Variants in ZNF670 observed in about 807,000 individuals in gnomAD.
The protein encoded by ZNF670 is zinc finger protein 670.
ZNF670 carries 7 observed loss-of-function variants against 10.9 expected under a neutral mutation model. The ratio of observed to expected loss-of-function variants is 0.64; its 90% CI spans 0.36 to 1.20. The LOEUF (loss-of-function observed/expected upper bound fraction) is 1.20, where lower values mean the gene tolerates loss of function less well. Ranked by LOEUF, ZNF670 falls within the 50% of genes most tolerant of loss-of-function variation. The pLI, the probability that ZNF670 is intolerant of heterozygous loss-of-function variation, is 0.02. For synonymous variants in ZNF670, 136 were observed against 152.7 expected, an observed-to-expected ratio of 0.89 and a Z score of 0.81; for missense variants, 446 against 458.6, an observed-to-expected ratio of 0.97 and a Z score of 0.25.
intron 1 of ZNF670, among the ~76,000 whole-genome samples, chr1:247,047,822 T>C (rs935104785): frequency 1.3e-5 from 2 of 152,170 alleles, no homozygotes; most frequent in Non-Finnish European, 2.9e-5. Context: ...TGGTCTCTTT[T>C]AGCCACAGCT....
chr1:247,061,390 C>G (rs1670856485), intron 1 of ZNF670, among the ~76,000 whole-genome samples: 1 of 151,932 alleles, frequency 6.6e-6, no homozygotes, highest in African/African-American at 2.4e-5. Context: ...ACCATCTTGG[C>G]CAGGCTAGTC....
chr1:247,075,637 GCTCT>G (rs140900586), intron 1 of ZNF670, among the ~76,000 whole-genome samples: 4,232 of 150,874 alleles, frequency 0.028, 199 homozygotes, highest in African/African-American at 0.093. Context: ...CCCTGCACAA[GCTCT>G]CTCTCTCTCT....
intron 1 of ZNF670, among the ~76,000 whole-genome samples, chr1:247,050,907 G>T (rs995962109): frequency 3.7e-4 from 56 of 151,720 alleles, no homozygotes; most frequent in Middle Eastern, 3.4e-3. Context: ...GAATACCTTG[G>T]TTTTTTTTCT....
At chr1:247,076,065 T>A (rs1238719590) in intron 1 of ZNF670, among the ~76,000 whole-genome samples, 1 of 152,040 alleles carries the variant, frequency 6.6e-6, no homozygotes, top group East Asian at 1.9e-4. Context: ...GAAACTGAAC[T>A]AAGTGAATAA....
chr1:247,045,957 G>A (rs1670435910), intron 1 of ZNF670, among the ~76,000 whole-genome samples: 1 of 152,172 alleles, frequency 6.6e-6, no homozygotes, highest in Non-Finnish European at 1.5e-5. Flanking sequence ...CAAAGACTTG[G>A]CTGCATTGTG....
chr1:247,049,872 T>C (rs1438401248), intron 1 of ZNF670, among the ~76,000 whole-genome samples: 2 of 152,256 alleles, frequency 1.3e-5, no homozygotes, highest in African/African-American at 4.8e-5. Context: ...TTATACTCCA[T>C]TGTGGTCTAA....
chr1:247,054,823 AT>A (rs1420188351), intron 1 of ZNF670, among the ~76,000 whole-genome samples: 1 of 152,200 alleles, frequency 6.6e-6, no homozygotes, highest in Non-Finnish European at 1.5e-5. Flanking sequence ...AATAATAATA[AT>A]AATAATGAGT....
chr1:247,077,237 G>A (rs1398320996), intron 1 of ZNF670, among the ~76,000 whole-genome samples: 1 of 152,130 alleles, frequency 6.6e-6, no homozygotes, highest in Admixed American at 6.5e-5. Context: ...ACTAGGAGAC[G>A]TCTCTCAACT....
At chr1:247,048,105 G>A (rs1219433076) in intron 1 of ZNF670, among the ~76,000 whole-genome samples, 1 of 152,054 alleles carries the variant, frequency 6.6e-6, no homozygotes, top group Admixed American at 6.5e-5. Flanking sequence ...TTTTCCAAAC[G>A]TTTATGCTCT....
intron 1 of ZNF670, among the ~76,000 whole-genome samples, chr1:247,073,752 G>A (rs1029963617): frequency 6.6e-6 from 1 of 152,196 alleles, no homozygotes; most frequent in African/African-American, 2.4e-5. Context: ...TCACAGATCA[G>A]TTCCACAACA....
Position 247,035,171 on chromosome 1 carries a change from T to C in ZNF670, c.*2278A>G, listed in dbSNP as rs1238849966. Reference sequence around the variant, plus strand: ...AAAAGATATCATCAGTCATGGTTGGTTCATTCTGTTGGTAATGCCAATTGT... The same window carrying C: ...AAAAGATATCATCAGTCATGGTTGGCTCATTCTGTTGGTAATGCCAATTGT... On this transcript the variant is annotated 3_prime_UTR_variant, in exon 4 of 4. Coordinates refer to ENST00000366503, the MANE Select transcript of ZNF670 (RefSeq NM_033213.5). 1.3e-5 allele frequency among the ~76,000 whole-genome samples: 2 copies of C among 152,242 alleles called. No homozygotes were observed. Among genetic ancestry groups the C allele is most frequent in the Non-Finnish European group, 2.9e-5 (2 of 68,042 alleles).
At position 247,039,516 on chromosome 1, in the gene ZNF670, C is replaced by G; in HGVS notation, c.25G>C (p.Val9Leu). The change falls in exon 2 of 4, where the codon GTG (valine) becomes CTG (leucine). Residue 9 changes from valine (V) to leucine (L), a missense_variant. By Grantham distance (32) the Val-to-Leu change is conservative. Transcript: ENST00000366503. MDSVSFED[V>L]AVAFTQEEWA... ...TCCTCCTGAGTAAAGGCCACAGCCACATCTTCAAATGACACTGAATCCTAG... is the reference window on the plus strand; with the variant it reads ...TCCTCCTGAGTAAAGGCCACAGCCAGATCTTCAAATGACACTGAATCCTAG... The G allele has an allele frequency of 6.3e-7, 1 of 1,596,652 alleles. No homozygotes were observed.
At chr1:247,063,447 G>A (rs984965651) in intron 1 of ZNF670, among the ~76,000 whole-genome samples, 7 of 151,986 alleles carry the variant, frequency 4.6e-5, no homozygotes, top group Admixed American at 2.6e-4. Flanking sequence ...GCCAGGTGTG[G>A]TGGTGGGCGC....
intron 1 of ZNF670, among the ~76,000 whole-genome samples, chr1:247,064,776 A>G (rs1012828970): frequency 6.6e-6 from 1 of 152,010 alleles, no homozygotes; most frequent in Non-Finnish European, 1.5e-5. Context: ...CTCTCAGTCT[A>G]TGCACTTTCT....
At chr1:247,072,309 C>T (rs560029567) in intron 1 of ZNF670, among the ~76,000 whole-genome samples, 21 of 150,046 alleles carry the variant, frequency 1.4e-4, no homozygotes, top group South Asian at 6.5e-4. Flanking sequence ...CACTGCCATG[C>T]CTGGTTTTGT....
chr1:247,069,721 C>T (rs1671072487), intron 1 of ZNF670, among the ~76,000 whole-genome samples: 1 of 152,082 alleles, frequency 6.6e-6, no homozygotes, highest in Non-Finnish European at 1.5e-5. Flanking sequence ...AGTCATTAAG[C>T]TAAGTGAAAT....
intron 1 of ZNF670, among the ~76,000 whole-genome samples, 197 bp downstream of exon 1, chr1:247,078,397 T>G (rs1033738649): frequency 1.3e-5 from 2 of 152,168 alleles, no homozygotes; most frequent in African/African-American, 4.8e-5. Flanking sequence ...GTTCCGGGCC[T>G]GGCCGAAGCG....
rs1367019641 is a variant in ZNF670, at chr1:247,037,941, T to C, written c.678A>G (p.Ala226=). The C allele has an allele frequency of 6.2e-7, 1 of 1,613,858 alleles. No homozygotes were observed. Among genetic ancestry groups the C allele is most frequent in the Non-Finnish European group, 8.5e-7 (1 of 1,179,932 alleles). The change falls in exon 4 of 4, where the codon GCA becomes GCG. Residue 226 remains alanine (A), a synonymous_variant. Transcript: ENST00000366503. The stretch of plus-strand genomic sequence containing the variant: ...TGAATGATTTACCACATTTCTTACA[T>C]GCATAGGGTTTCTCTCCAGTATGAG... ...ERTHTGEKPY[A]CKKCGKSFTF... is the part of the protein sequence containing the mutation.
chr1:247,073,861 G>C (rs543758246), intron 1 of ZNF670, among the ~76,000 whole-genome samples: 1 of 152,172 alleles, frequency 6.6e-6, no homozygotes, highest in South Asian at 2.1e-4. Flanking sequence ...CCTTCCTCAG[G>C]TTTGATAACG....
Sources: gnomAD v4.1 joint callset for allele counts (sites outside exome capture counted in the v4.1 genomes callset) on GRCh38, gnomAD v4.1.1 for gene constraint, MANE v1.5 for transcripts, NCBI Gene and HGNC (gene_info 2026-07-23, HGNC 2026-07-21) for gene names.